Variants in BCAS3 observed in about 807,000 individuals in gnomAD.
The protein encoded by BCAS3 is BCAS3 microtubule associated cell migration factor.
Under a neutral mutation model 116.1 loss-of-function variants are expected in BCAS3, and 53 were observed. The observed-to-expected ratio is 0.46, with a 90% CI of 0.37 to 0.57. The LOEUF is 0.57. Among genes scored for constraint, BCAS3 ranks in the 20% least tolerant of loss-of-function variants. The pLI is 0.00. For synonymous variants in BCAS3, 391 were observed against 408.2 expected (o/e 0.96, Z 0.51); for missense variants, 917 against 1,165.4 (o/e 0.79, Z 3.10).
Position 61,326,838 on chromosome 17 carries a change from G to A in BCAS3, c.2426-41489G>A, listed in dbSNP as rs961623960. Among the ~76,000 whole-genome samples, 6 of 152,028 alleles carry A rather than the reference G, an allele frequency of 3.9e-5. No individual in the cohort carries two copies. The highest frequency in any genetic ancestry group is 1.2e-4 in the African/African-American group (5 of 41,396). ...TAGGGGTTTCCTTAGGAAAGAATGG[G>A]GAGAGAAGAATGGGAGGTGATAAAA... is the stretch of plus-strand genomic sequence containing the variant. On this transcript the variant is annotated intron_variant, in intron 22 of 23. Coordinates refer to ENST00000407086, the MANE Select transcript of BCAS3 (RefSeq NM_017679.5). This position sits in a 1 kb window ranked among gnomAD's most constrained non-coding sequence, Gnocchi z 5.3.
chr17:61,370,534 G>T (rs564463219), intron 23 of BCAS3, among the ~76,000 whole-genome samples: 10 of 152,020 alleles, frequency 6.6e-5, no homozygotes, highest in Non-Finnish European at 1.3e-4. Context: ...GATTACAGGC[G>T]CCCGCTACCA....
At position 61,131,016 on chromosome 17, in the gene BCAS3, A is replaced by G. The variant is rs1322262612; in HGVS notation, c.2425+46452A>G. 1 of 152,154 alleles carries G rather than the reference A, an allele frequency of 6.6e-6. No homozygotes were observed. Among genetic ancestry groups the G allele is most frequent in the African/African-American group, 2.4e-5 (1 of 41,416 alleles). 9.4% of individuals were successfully genotyped at this position (152,154 alleles called of 1,614,324 possible). On this transcript the variant is annotated intron_variant, in intron 22 of 23. Transcript: ENST00000407086. The surrounding 1 kb of genome is among the most constrained non-coding windows in gnomAD (Gnocchi z 4.4). ...GGTTGCAGTGAGCCGAGATTGCGCC[A>G]CTGCACTCCAGTCTGGCAGACAAAG...
intron 22 of BCAS3, among the ~76,000 whole-genome samples, chr17:61,225,159 CTTT>C (rs5821313): frequency 7.0e-6 from 1 of 142,288 alleles, no homozygotes. Context: ...ATCGCTCTGC[CTTT>C]TTTTTTTTTT....
Position 61,368,344 on chromosome 17 carries a change from G to A in BCAS3, c.2443G>A (p.Val815Met), listed in dbSNP as rs201160879. The A allele has an allele frequency of 5.9e-5, 94 of 1,602,380 alleles. 1 individual carries two copies. In the African/African-American group the frequency reaches 7.6e-4, roughly 13 times the overall value. ...DAASGTFDRS[V>M]TLLEVCGSWP... ...TGCCACAGGTACCTTTGACAGGAGC[G>A]TGACCCTGCTGGAGGTGTGCGGGAG... is the stretch of plus-strand genomic sequence containing the variant. Residue 815 changes from valine to methionine, a missense_variant, in exon 23 of 24, where the codon GTG (valine) becomes ATG (methionine). Physicochemically the swap from Val to Met is conservative, Grantham distance 21. Around this residue, in one of 3 missense-constraint regions of BCAS3, gnomAD observed 807 missense variants for 1,026.0 expected, o/e 0.79. Transcript: ENST00000407086. The surrounding 1 kb of genome is among the most constrained non-coding windows in gnomAD (Gnocchi z 6.0).
chr17:61,045,709 G>A (rs1005384884), intron 19 of BCAS3, among the ~76,000 whole-genome samples: 4 of 140,394 alleles, frequency 2.8e-5, no homozygotes, highest in Non-Finnish European at 6.1e-5. Flanking sequence ...CCAGCTACTC[G>A]GAAGGCTGAG....
chr17:61,121,274 G>A (rs1349628474), intron 22 of BCAS3, among the ~76,000 whole-genome samples: 2 of 152,022 alleles, frequency 1.3e-5, no homozygotes, highest in Non-Finnish European at 2.9e-5. Context: ...AAATCATGAA[G>A]TTAAAATCTC....
At chr17:61,322,904 CAG>C (rs886834926) in intron 22 of BCAS3, among the ~76,000 whole-genome samples, 4 of 124,126 alleles carry the variant, frequency 3.2e-5, no homozygotes, top group Non-Finnish European at 3.3e-5. Flanking sequence ...CTCTGGGAGA[CAG>C]GGGCAAATCG....
intron 22 of BCAS3, among the ~76,000 whole-genome samples, chr17:61,287,083 C>T (rs189430251): frequency 7.9e-5 from 12 of 152,084 alleles, no homozygotes; most frequent in Non-Finnish European, 1.5e-4. Context: ...CCCGTCTCTA[C>T]TAAAAATACA....
intron 22 of BCAS3, among the ~76,000 whole-genome samples, chr17:61,314,074 G>A (rs186609326): frequency 3.3e-5 from 5 of 152,344 alleles, no homozygotes; most frequent in African/African-American, 1.2e-4. Context: ...AGGGCCTTAG[G>A]GATCATCTAG....
At chr17:61,250,802 C>T (rs951521160) in intron 22 of BCAS3, among the ~76,000 whole-genome samples, 1 of 152,218 alleles carries the variant, frequency 6.6e-6, no homozygotes, top group African/African-American at 2.4e-5. Flanking sequence ...TCAGCTTCCT[C>T]ACCTGAAAAC....
intron 7 of BCAS3, among the ~76,000 whole-genome samples, chr17:60,826,701 A>T (rs2050458919): frequency 6.6e-6 from 1 of 152,230 alleles, no homozygotes; most frequent in Admixed American, 6.5e-5. Context: ...TATGTTTTCC[A>T]TGAGCTACAT....
intron 3 of BCAS3, chr17:60,688,784 C>T (rs1248728385): frequency 6.6e-6 from 1 of 151,006 alleles, no homozygotes; most frequent in South Asian, 2.1e-4. Context: ...CCACTGCACT[C>T]CAGCCTGGGT....
rs568345829 is a variant in BCAS3 at position 60,701,035 on chromosome 17, G to A, written c.215-8184G>A. Among the ~76,000 whole-genome samples the A allele has an allele frequency of 1.9e-3, 295 of 152,028 alleles. 1 individual carries two copies. Among genetic ancestry groups the A allele is most frequent in the Non-Finnish European group, 3.7e-3 (251 of 68,010 alleles). On this transcript the variant is annotated intron_variant, in intron 4 of 23. Coordinates refer to ENST00000407086, the MANE Select transcript of BCAS3 (RefSeq NM_017679.5). The stretch of plus-strand genomic sequence containing the variant: ...GAGGTGGGCAGATCACTTGAGGTCA[G>A]GAGTTTGAGACCAGCCTGGCTAACA...
chr17:61,340,209 T>C (rs965049373), intron 22 of BCAS3, among the ~76,000 whole-genome samples: 3 of 151,810 alleles, frequency 2.0e-5, no homozygotes, highest in African/African-American at 7.3e-5. Context: ...AAGAAGGTCT[T>C]TCTTTTTTTC....
chr17:61,143,757 C>A (rs2143952229), intron 22 of BCAS3, among the ~76,000 whole-genome samples: 1 of 152,234 alleles, frequency 6.6e-6, no homozygotes, highest in East Asian at 1.9e-4. Context: ...TGTAGTGAGC[C>A]AAGATTGTGC....
At chr17:61,269,649 A>T (rs2050064369) in intron 22 of BCAS3, among the ~76,000 whole-genome samples, 1 of 152,228 alleles carries the variant, frequency 6.6e-6, no homozygotes, top group South Asian at 2.1e-4. Flanking sequence ...TGGCCAACTT[A>T]ATGGGTGTGA....
At position 61,022,606 on chromosome 17, in the gene BCAS3, T is replaced by A. The variant is rs192309390; in HGVS notation, c.1637+6705T>A. Among the ~76,000 whole-genome samples, 38 of 152,264 alleles carry A rather than the reference T, an allele frequency of 2.5e-4. 1 individual carries two copies. The East Asian group carries it at 7.2e-3, about 29-fold the overall frequency. ...TACAGAAGTTTGACATTATTTATGT[T>A]ATGTTCATCTCTTTTTTTGCCACAT... On this transcript the variant is annotated intron_variant, in intron 16 of 23. Transcript: ENST00000407086.
chr17:60,753,090 C>T (rs1277212581), intron 6 of BCAS3, among the ~76,000 whole-genome samples: 1 of 152,160 alleles, frequency 6.6e-6, no homozygotes, highest in African/African-American at 2.4e-5. Flanking sequence ...ACAATTCTCC[C>T]ATCTCAGCCT....
intron 14 of BCAS3, among the ~76,000 whole-genome samples, chr17:60,963,802 G>A (rs961809634): frequency 2.0e-5 from 3 of 152,042 alleles, no homozygotes; most frequent in Non-Finnish European, 2.9e-5. Context: ...TGATCCACCC[G>A]CCTCGGCCTC....
Sources: allele counts gnomAD v4.1 joint callset (sites outside exome capture counted in the v4.1 genomes callset), GRCh38; gene constraint gnomAD v4.1.1; regional missense constraint gnomAD v4.1.1; non-coding constraint Gnocchi (gnomAD v3.1); transcripts MANE v1.5; gene names NCBI Gene and HGNC (gene_info 2026-07-23, HGNC 2026-07-21).